Variants in CLVS1 observed in about 807,000 individuals in gnomAD.
CLVS1 encodes clavesin-1.
Under a neutral mutation model 33.1 loss-of-function variants are expected in CLVS1, and 10 were observed. The observed-to-expected ratio is 0.30, with a 90% confidence interval of 0.19 to 0.51. The LOEUF (loss-of-function observed/expected upper bound fraction) is 0.51. Ranked by LOEUF, CLVS1 falls within the 20% of genes least tolerant of loss-of-function variation. The probability of loss-of-function intolerance (pLI) is 0.97; values close to 1 mark genes in which losing one functional copy is unlikely to be tolerated. For missense variants in CLVS1, 343 were observed against 433.4 expected, an observed-to-expected ratio of 0.79 and a Z score of 1.85; for synonymous variants, 163 against 166.1, an observed-to-expected ratio of 0.98 and a Z score of 0.14.
In CLVS1 at chr8:61,499,820, A is replaced by G. The variant is rs1804502833; in HGVS notation, c.*278A>G. On this transcript the variant is annotated 3_prime_UTR_variant, in exon 6 of 6. Coordinates refer to ENST00000325897, the MANE Select transcript of CLVS1 (RefSeq NM_173519.3). ...TTCTCCCTCCTTTCATATTTATTGT[A>G]GTAAATTGAAAAAATAAAGACTAAA... 4.0e-6 allele frequency: 1 copy of G among 252,892 alleles called. No individual in the cohort carries two copies. Among genetic ancestry groups the G allele is most frequent in the Admixed American group, 4.9e-5 (1 of 20,326 alleles). 15.7% of individuals were successfully genotyped at this position (252,892 alleles called of 1,614,324 possible).
At chr8:61,178,321 A>C (rs955403581) in intron 2 of CLVS1, among the ~76,000 whole-genome samples, 1 of 152,206 alleles carries the variant, frequency 6.6e-6, no homozygotes, top group Admixed American at 6.5e-5. Flanking sequence ...TGAATGAACA[A>C]AACCACCAAG....
At chr8:61,023,425 A>G in the CLVS1 span, among the ~76,000 whole-genome samples, 1 of 152,252 alleles carries the variant, frequency 6.6e-6, no homozygotes, top group South Asian at 2.1e-4. Context: ...AAAGAGAAAC[A>G]TTTAGAAGCG....
chr8:61,118,637 G>A (rs1230374916), intron 1 of CLVS1, among the ~76,000 whole-genome samples: 1 of 151,676 alleles, frequency 6.6e-6, no homozygotes, highest in Non-Finnish European at 1.5e-5. Context: ...GTACCCAGTA[G>A]TCATTCAGGA....
chr8:61,232,318 G>T (rs917362776), intron 2 of CLVS1, among the ~76,000 whole-genome samples: 11 of 152,024 alleles, frequency 7.2e-5, no homozygotes, highest in Non-Finnish European at 1.5e-4. Context: ...TTACAGGCGT[G>T]AGCCACCGCG....
At chr8:61,023,723 G>A in the CLVS1 span, among the ~76,000 whole-genome samples, 75 of 152,284 alleles carry the variant, frequency 4.9e-4, no homozygotes, top group African/African-American at 1.3e-3. Flanking sequence ...GGGAGGCTGC[G>A]CGCCGGCCCC....
intron 3 of CLVS1, among the ~76,000 whole-genome samples, chr8:61,433,925 A>G (rs527512129): frequency 6.6e-6 from 1 of 152,008 alleles, no homozygotes; most frequent in Admixed American, 6.6e-5. Context: ...AAAAATAAAT[A>G]AAACATATCA....
the CLVS1 span, among the ~76,000 whole-genome samples, chr8:61,026,398 C>T: frequency 6.6e-6 from 1 of 152,204 alleles, no homozygotes; most frequent in Admixed American, 6.5e-5. Flanking sequence ...TTAAGTCACA[C>T]AGTCTGTGAC....
chr8:61,152,215 G>A (rs1806552321), intron 2 of CLVS1, among the ~76,000 whole-genome samples: 1 of 152,146 alleles, frequency 6.6e-6, no homozygotes. Flanking sequence ...TCACTTCCTG[G>A]TTTGCAGATG....
chr8:61,172,485 A>G (rs1323161783), intron 2 of CLVS1, among the ~76,000 whole-genome samples: 1 of 152,196 alleles, frequency 6.6e-6, no homozygotes, highest in Admixed American at 6.5e-5. Context: ...TGTAATGCAC[A>G]TGTATTATTT....
At chr8:61,420,262 A>G (rs1815602409) in intron 3 of CLVS1, among the ~76,000 whole-genome samples, 1 of 152,212 alleles carries the variant, frequency 6.6e-6, no homozygotes, top group Admixed American at 6.5e-5. Flanking sequence ...AGACGGTCTG[A>G]CATATGGTAA....
rs1438856163 is a variant in CLVS1 at position 61,063,662 on chromosome 8, A to G, written c.-243+6432A>G. 3.9e-5 allele frequency among the ~76,000 whole-genome samples: 6 copies of G among 152,230 alleles called. No homozygotes were observed. In the East Asian group the frequency reaches 1.2e-3, roughly 29 times the overall value. ...AAGGAGAAAGGCAGCATTCATTCCA[A>G]CATTCATAACCAATAATTTAAAAAC... On this transcript the variant is annotated intron_variant, in intron 1 of 2. Coordinates refer to the CLVS1 transcript ENST00000522621.
intron 2 of CLVS1, among the ~76,000 whole-genome samples, chr8:61,280,288 A>T (rs942154245): frequency 1.3e-5 from 2 of 152,240 alleles, no homozygotes; most frequent in Admixed American, 6.5e-5. Context: ...GTTTTATGAG[A>T]AGAAGAGAAA....
upstream of CLVS1, chr8:61,287,836 T>C (rs1809824295): frequency 3.0e-6 from 1 of 338,624 alleles, no homozygotes. Flanking sequence ...GTACTTTTTG[T>C]CCCAGATGTT....
chr8:61,451,673 G>T (rs1816961200), intron 3 of CLVS1, among the ~76,000 whole-genome samples: 1 of 152,102 alleles, frequency 6.6e-6, no homozygotes, highest in South Asian at 2.1e-4. Flanking sequence ...TTGTGTGACT[G>T]ACAACTTCCC....
chr8:61,018,870 A>G, the CLVS1 span, among the ~76,000 whole-genome samples: 2 of 152,242 alleles, frequency 1.3e-5, no homozygotes, highest in African/African-American at 4.8e-5. Flanking sequence ...AAGTTAGTCA[A>G]GAGCACAGCT....
At chr8:61,421,507 T>G (rs925802520) in intron 3 of CLVS1, among the ~76,000 whole-genome samples, 2 of 152,160 alleles carry the variant, frequency 1.3e-5, no homozygotes, top group Non-Finnish European at 2.9e-5. Context: ...TCCCTATCAC[T>G]CCTGAGCTGA....
At chr8:61,235,422 C>T (rs1198867821) in intron 2 of CLVS1, among the ~76,000 whole-genome samples, 1 of 152,202 alleles carries the variant, frequency 6.6e-6, no homozygotes, top group Non-Finnish European at 1.5e-5. Context: ...GTGCTATTAT[C>T]AATAACTACA....
intron 5 of CLVS1, among the ~76,000 whole-genome samples, chr8:61,471,893 A>G (rs1315780780): frequency 2.0e-5 from 3 of 152,052 alleles, no homozygotes; most frequent in African/African-American, 7.2e-5. Flanking sequence ...TTCTCCGCCT[A>G]ACTCCCTCCA....
intron 2 of CLVS1, among the ~76,000 whole-genome samples, chr8:61,185,512 T>G (rs1298942487): frequency 2.6e-5 from 4 of 152,124 alleles, no homozygotes; most frequent in African/African-American, 9.7e-5. Context: ...CCTAATATTT[T>G]TTACATTATC....
Sources: gnomAD v4.1 joint callset for allele counts (sites outside exome capture counted in the v4.1 genomes callset) on GRCh38, gnomAD v4.1.1 for gene constraint, MANE v1.5 for transcripts, NCBI Gene and HGNC (gene_info 2026-07-23, HGNC 2026-07-21) for gene names.